FAM86B2: variants seen among roughly 807,000 people sequenced by gnomAD.
The protein encoded by FAM86B2 is family with sequence similarity 86 member B2, also known as putative protein N-methyltransferase FAM86B2.
FAM86B2 carries 1 observed loss-of-function variant against 26.5 expected under a neutral mutation model. The ratio of observed to expected loss-of-function variants is 0.04; its 90% CI spans 0.01 to 0.18. The LOEUF (loss-of-function observed/expected upper bound fraction) is 0.18. Ranked by LOEUF, FAM86B2 falls within the 10% of genes least tolerant of loss-of-function variation. The pLI is 1.00. For synonymous variants in FAM86B2, 11 were observed against 127.8 expected (o/e 0.09, Z 6.17); for missense variants, 43 against 303.5 (o/e 0.14, Z 6.38).
chr8:12,435,970 G>A (rs753768189), intron 1 of FAM86B2, among the ~76,000 whole-genome samples: 17 of 151,600 alleles, frequency 1.1e-4, no homozygotes, highest in Admixed American at 6.6e-5. Flanking sequence ...TTAAAAAGTC[G>A]TGAAAATGAT....
In FAM86B2 at chr8:12,424,716, G is replaced by A. The variant is rs1289873289; in HGVS notation, c.*1173C>T. On this transcript the variant is annotated 3_prime_UTR_variant, in exon 8 of 8. Coordinates refer to ENST00000262365, the MANE Select transcript of FAM86B2 (RefSeq NM_001137610.3). Reference sequence around the variant, plus strand: ...CATGATGTCAAGTTGGAGGTGGAGCGCTGCTGGGTTGTGAAGGGTCTCAAG... The same window carrying A: ...CATGATGTCAAGTTGGAGGTGGAGCACTGCTGGGTTGTGAAGGGTCTCAAG... 5.0e-5 allele frequency among the ~76,000 whole-genome samples: 6 copies of A among 121,152 alleles called. No individual in the cohort carries two copies. Among genetic ancestry groups the A allele is most frequent in the Non-Finnish European group, 7.4e-5 (4 of 54,026 alleles). 79.5% of individuals were successfully genotyped at this position (121,152 alleles called of 152,430 possible).
At chr8:12,428,349 C>T (rs1232586194) in intron 6 of FAM86B2, among the ~76,000 whole-genome samples, 1 of 151,418 alleles carries the variant, frequency 6.6e-6, no homozygotes, top group African/African-American at 2.4e-5. Flanking sequence ...GGTTGTTTTC[C>T]TCCTGCGGTC....
chr8:12,428,414 C>G (rs199638324), intron 6 of FAM86B2, among the ~76,000 whole-genome samples: 1 of 148,680 alleles, frequency 6.7e-6, no homozygotes, highest in African/African-American at 2.5e-5. Context: ...ACGACTGTAA[C>G]GGGAGTATGC....
intron 7 of FAM86B2, among the ~76,000 whole-genome samples, chr8:12,426,467 C>A (rs1812648751): frequency 5.5e-5 from 1 of 18,296 alleles, no homozygotes; most frequent in Admixed American, 7.8e-4. Context: ...AGAAAGACTT[C>A]CTTTTTTTTT....
intron 7 of FAM86B2, 48 bp from the exon 8 acceptor site, chr8:12,426,037 C>A: frequency 3.3e-6 from 1 of 299,632 alleles, no homozygotes. Flanking sequence ...GGGGACAGGA[C>A]ATGAGCGTTT....
intron 1 of FAM86B2, among the ~76,000 whole-genome samples, chr8:12,435,836 G>T (rs1244493305): frequency 7.1e-6 from 1 of 140,122 alleles, no homozygotes; most frequent in Non-Finnish European, 1.6e-5. Flanking sequence ...ACTGAGGCAC[G>T]AGGGACAGCC....
In FAM86B2 at chr8:12,433,893, G is replaced by A. The variant is rs1333366667; in HGVS notation, c.159+159C>T. On this transcript the variant is annotated intron_variant, in intron 2 of 7. Coordinates refer to ENST00000262365, the MANE Select transcript of FAM86B2 (RefSeq NM_001137610.3). The stretch of plus-strand genomic sequence containing the variant: ...AGAAAACGAAACCGTAGGAGCTGTC[G>A]GAGGTGCTGACACCCTTCTGAAGTG... Among the ~76,000 whole-genome samples, 13 of 82,144 alleles carry A rather than the reference G, an allele frequency of 1.6e-4. 4 individuals carry two copies. The highest frequency in any genetic ancestry group is 3.4e-4 in the Non-Finnish European group (12 of 34,994). The allele number at this position is 82,144 out of a possible 152,430, so 53.9% of individuals were successfully genotyped here. A position where few individuals can be genotyped will look rare whatever the true frequency, so the allele number is the denominator to read the frequency against.
At chr8:12,435,335 G>A (rs1264076669) in intron 1 of FAM86B2, among the ~76,000 whole-genome samples, 1 of 111,026 alleles carries the variant, frequency 9.0e-6, no homozygotes. Context: ...TCAAATGTGA[G>A]TGATAATAAT....
At chr8:12,435,061 G>T (rs3988735) in intron 1 of FAM86B2, among the ~76,000 whole-genome samples, 2,124 of 123,838 alleles carry the variant, frequency 0.017, 15 homozygotes, top group African/African-American at 0.062. Flanking sequence ...TGAGACTGAA[G>T]AAAACACTAG....
At chr8:12,429,411 G>A (rs1346523668) in intron 4 of FAM86B2, among the ~76,000 whole-genome samples, 1 of 46,560 alleles carries the variant, frequency 2.1e-5, no homozygotes, top group Non-Finnish European at 3.9e-5. Flanking sequence ...GTGTGGCTAT[G>A]AAGAGGTGGC....
intron 1 of FAM86B2, among the ~76,000 whole-genome samples, chr8:12,435,594 T>G (rs1430507646): frequency 7.3e-6 from 1 of 137,258 alleles, no homozygotes; most frequent in East Asian, 2.0e-4. Context: ...GGAATATATA[T>G]CCCAACTGAC....
intron 3 of FAM86B2, among the ~76,000 whole-genome samples, chr8:12,431,576 G>A (rs868281942): frequency 0.1 from 5,316 of 53,326 alleles, 39 homozygotes; most frequent in East Asian, 0.11. Context: ...AAATAAATAA[G>A]TAAAAAATAA....
intron 1 of FAM86B2, among the ~76,000 whole-genome samples, chr8:12,435,860 C>T (rs1460860785): frequency 7.1e-6 from 1 of 140,486 alleles, no homozygotes; most frequent in Admixed American, 6.9e-5. Flanking sequence ...GACCTGGTCA[C>T]CACGCTCAGG....
chr8:12,433,274 C>T (rs1798347029), intron 2 of FAM86B2, among the ~76,000 whole-genome samples: 1 of 16,320 alleles, frequency 6.1e-5, no homozygotes, highest in East Asian at 1.7e-3. Context: ...TATCTCCATG[C>T]TCGAAGCCCT....
At chr8:12,435,530 T>A (rs2150902981) in intron 1 of FAM86B2, among the ~76,000 whole-genome samples, 1 of 136,814 alleles carries the variant, frequency 7.3e-6, no homozygotes, top group African/African-American at 2.7e-5. Flanking sequence ...TTTATGTCAA[T>A]GGAATAATGC....
intron 1 of FAM86B2, among the ~76,000 whole-genome samples, chr8:12,435,930 GT>G (rs1427323667): frequency 6.6e-6 from 1 of 150,796 alleles, no homozygotes; most frequent in East Asian, 1.9e-4. Flanking sequence ...GAGTGCAGCT[GT>G]GTCCCAGTGA....
In FAM86B2 at chr8:12,426,060, C is replaced by T; in HGVS notation, c.893-71G>A. On this transcript the variant is annotated intron_variant, in intron 7 of 7. Transcript: ENST00000262365. ...GACATGAGCGTTTTGTGTGGGGCTG[C>T]TAGGACAGGCCTGGCGGGGTGGGGG... 1.1e-5 allele frequency: 3 copies of T among 265,974 alleles called. 1 individual carries two copies. Among genetic ancestry groups the T allele is most frequent in the East Asian group, 1.3e-4 (2 of 15,444 alleles). 16.5% of individuals were successfully genotyped at this position (265,974 alleles called of 1,614,324 possible).
chr8:12,433,900 C>T (rs532023662), intron 2 of FAM86B2, among the ~76,000 whole-genome samples, 152 bp downstream of exon 2: 1 of 81,592 alleles, frequency 1.2e-5, no homozygotes, highest in African/African-American at 3.2e-5. Flanking sequence ...GTCGGAGGTG[C>T]TGACACCCTT....
Position 12,427,607 on chromosome 8 carries a change from G to A in FAM86B2, c.892+50C>T. 10 of 1,048,684 alleles carry A rather than the reference G, an allele frequency of 9.5e-6. 3 individuals carry two copies. The highest frequency in any genetic ancestry group is 6.0e-5 in the African/African-American group (3 of 49,728). The allele number at this position is 1,048,684 out of a possible 1,614,324, so 65.0% of individuals were successfully genotyped here. A position where few individuals can be genotyped will look rare whatever the true frequency, so the allele number is the denominator to read the frequency against. ...GTTCTTTCACTTCCACTGGAGTCCT[G>A]CAGGGACAGCTCGGGCACCATGTAG... On this transcript the variant is annotated intron_variant, in intron 7 of 7. Transcript: ENST00000262365.
Sources: allele counts gnomAD v4.1 joint callset (sites outside exome capture counted in the v4.1 genomes callset), GRCh38; gene constraint gnomAD v4.1.1; transcripts MANE v1.5; gene names NCBI Gene and HGNC (gene_info 2026-07-23, HGNC 2026-07-21).